The following NBAS variants were observed in gnomAD, a reference collection of about 807,000 sequenced individuals.
NBAS encodes NAG/BC035112 fusion.
In NBAS, 219 loss-of-function variants were observed where a neutral mutation model predicts 302.5. The ratio of observed to expected loss-of-function variants is 0.72; its 90% CI spans 0.65 to 0.81. NBAS has a LOEUF of 0.81. Ranked by LOEUF, NBAS falls within the 30% of genes least tolerant of loss-of-function variation. The pLI, the probability that NBAS is intolerant of heterozygous loss-of-function variation, is 0.00. For missense variants in NBAS, 2,932 were observed against 2,841.6 expected (o/e 1.03, Z -0.72); for synonymous variants, 1,118 against 1,021.6 (o/e 1.09, Z -1.80).
chr2:15,359,409 G>C (rs2148321187), intron 32 of NBAS, among the ~76,000 whole-genome samples: 1 of 152,086 alleles, frequency 6.6e-6, no homozygotes, highest in Middle Eastern at 3.4e-3. Context: ...AAATATAAAG[G>C]GGGAAAACCT....
chr2:15,497,178 T>A (rs568290822), intron 11 of NBAS, among the ~76,000 whole-genome samples: 1 of 152,184 alleles, frequency 6.6e-6, no homozygotes, highest in South Asian at 2.1e-4. Context: ...TTATGTAATG[T>A]CTTTTTGGAT....
At chr2:15,532,442 T>C (rs1466509291) in intron 9 of NBAS, among the ~76,000 whole-genome samples, 1 of 147,326 alleles carries the variant, frequency 6.8e-6, no homozygotes, top group Non-Finnish European at 1.5e-5. Context: ...TGAGCCGAGA[T>C]TGCGCCACTG....
rs116654338 is a variant in NBAS, at chr2:15,502,479, C to G, written c.954+1666G>C. Among the ~76,000 whole-genome samples, 724 of 152,328 alleles carry G rather than the reference C, an allele frequency of 4.8e-3. 8 individuals are homozygous for G. The highest frequency in any genetic ancestry group is 0.016 in the African/African-American group (673 of 41,586). ...CTAGATGGGATAGCCTACTACGCAC[C>G]TAGGCTGGGTGGTATAGCCTATTGC... On this transcript the variant is annotated intron_variant, in intron 11 of 51. Coordinates refer to ENST00000281513, the MANE Select transcript of NBAS (RefSeq NM_015909.4).
the NBAS span, among the ~76,000 whole-genome samples, chr2:14,882,827 G>A: frequency 6.6e-6 from 1 of 152,110 alleles, no homozygotes; most frequent in Non-Finnish European, 1.5e-5. Context: ...AGCCTGATAG[G>A]TTTTTGTTAA....
At chr2:14,904,040 G>A in the NBAS span, among the ~76,000 whole-genome samples, 1 of 152,182 alleles carries the variant, frequency 6.6e-6, no homozygotes, top group South Asian at 2.1e-4. Flanking sequence ...TCAGAGAAAC[G>A]GGGGCATTTC....
chr2:15,245,020 G>C (rs981284651), intron 44 of NBAS, among the ~76,000 whole-genome samples: 1 of 152,018 alleles, frequency 6.6e-6, no homozygotes, highest in East Asian at 1.9e-4. Flanking sequence ...AAGTGGGTAC[G>C]GGCCCTGAGG....
At chr2:15,539,392 T>C (rs1663688488) in intron 6 of NBAS, 36 bp from the exon 7 acceptor site, 2 of 1,613,132 alleles carry the variant, frequency 1.2e-6, no homozygotes, top group South Asian at 2.2e-5. Flanking sequence ...CTTCTAACAA[T>C]ATATTACAAA....
intron 21 of NBAS, among the ~76,000 whole-genome samples, chr2:15,433,046 T>C (rs563723796): frequency 6.6e-6 from 1 of 152,284 alleles, no homozygotes; most frequent in African/African-American, 2.4e-5. Flanking sequence ...ATTCACCTCC[T>C]CCCACCACGA....
At chr2:15,177,967 T>C in intron 51 of NBAS, 1 of 324,994 alleles carries the variant, frequency 3.1e-6, no homozygotes, top group Non-Finnish European at 6.2e-6. Flanking sequence ...TCTCATTTTA[T>C]TCATAATGAT....
rs373175155 is a variant in NBAS at position 15,330,764 on chromosome 2, T to A, written c.4181A>T (p.Asp1394Val). The A allele has an allele frequency of 5.6e-6, 9 of 1,613,580 alleles. No homozygotes were observed. The South Asian group carries it at 8.8e-5, about 16-fold the overall frequency. ...ATTGCTACCTGGAACACCTACTTCA[T>A]CCTGTATTAAAGAAACAAAATAGCA... Reference protein sequence around the residue: ...SPLTSKAVQEDEVGVPGSNSA... With the variant: ...SPLTSKAVQEVEVGVPGSNSA... The change falls in exon 36 of 52, where the codon GAT (aspartate) becomes GTT (valine). Residue 1394 changes from aspartate to valine, a missense_variant and splice_region_variant. Transcript: ENST00000281513.
the NBAS span, among the ~76,000 whole-genome samples, chr2:14,841,549 A>G: frequency 2.0e-5 from 3 of 151,834 alleles, no homozygotes; most frequent in Non-Finnish European, 2.9e-5. Context: ...CATAAAATAG[A>G]CTACAAATAA....
intron 19 of NBAS, among the ~76,000 whole-genome samples, chr2:15,463,917 A>G (rs1679616961): frequency 6.6e-6 from 1 of 152,032 alleles, no homozygotes; most frequent in Non-Finnish European, 1.5e-5. Flanking sequence ...CTTCTTAGAC[A>G]CACATACCTA....
At chr2:15,339,704 A>G (rs1672758790) in intron 35 of NBAS, among the ~76,000 whole-genome samples, 1 of 152,232 alleles carries the variant, frequency 6.6e-6, no homozygotes, top group Non-Finnish European at 1.5e-5. Context: ...TGGGCTAGAA[A>G]GAAAAATAAA....
At chr2:14,891,945 G>A in the NBAS span, among the ~76,000 whole-genome samples, 1 of 152,134 alleles carries the variant, frequency 6.6e-6, no homozygotes, top group Non-Finnish European at 1.5e-5. Context: ...TCAAATCCCA[G>A]CACTGACAAT....
the NBAS span, among the ~76,000 whole-genome samples, chr2:14,951,140 G>A: frequency 2.6e-5 from 4 of 152,292 alleles, no homozygotes; most frequent in Non-Finnish European, 4.4e-5. Context: ...CTCCATCAGC[G>A]AATGTGAGTT....
At chr2:15,425,966 T>C (rs1385200785) in intron 22 of NBAS, among the ~76,000 whole-genome samples, 1 of 151,900 alleles carries the variant, frequency 6.6e-6, no homozygotes, top group Non-Finnish European at 1.5e-5. Flanking sequence ...TCCTCCCTCC[T>C]CTCCCCAAGC....
chr2:15,211,743 G>A (rs928956770), intron 48 of NBAS, among the ~76,000 whole-genome samples: 1 of 152,112 alleles, frequency 6.6e-6, no homozygotes, highest in Non-Finnish European at 1.5e-5. Context: ...ACCTGAACCT[G>A]GGAAAAGAGT....
chr2:14,925,217 TC>T, the NBAS span, among the ~76,000 whole-genome samples: 4 of 152,314 alleles, frequency 2.6e-5, no homozygotes, highest in South Asian at 8.3e-4. Context: ...TAATAATTTC[TC>T]CCATTATGTC....
chr2:15,117,531 GA>G, the NBAS span, among the ~76,000 whole-genome samples: 1 of 152,148 alleles, frequency 6.6e-6, no homozygotes, highest in East Asian at 1.9e-4. Context: ...TGTCCTAGAG[GA>G]AAAAAGTAGG....
Sources: allele counts gnomAD v4.1 joint callset (sites outside exome capture counted in the v4.1 genomes callset), GRCh38; gene constraint gnomAD v4.1.1; transcripts MANE v1.5; gene names NCBI Gene and HGNC (gene_info 2026-07-23, HGNC 2026-07-21).